NFIB: variants seen among roughly 807,000 people sequenced by gnomAD.
NFIB encodes nuclear factor I B, also known as nuclear factor 1 B-type.
Under a neutral mutation model 61.5 loss-of-function variants are expected in NFIB, and 11 were observed. That is an observed-to-expected ratio of 0.18 (90% CI 0.11 to 0.30). NFIB has a LOEUF of 0.30. Ranked by LOEUF, NFIB falls within the 10% of genes least tolerant of loss-of-function variation. NFIB has a pLI of 1.00. For missense variants in NFIB, 471 were observed against 608.9 expected, an observed-to-expected ratio of 0.77 and a Z score of 2.38; for synonymous variants, 260 against 216.5, an observed-to-expected ratio of 1.20 and a Z score of -1.76.
the NFIB span, among the ~76,000 whole-genome samples, chr9:14,435,824 C>T: frequency 6.6e-6 from 1 of 152,214 alleles, no homozygotes; most frequent in Non-Finnish European, 1.5e-5. Flanking sequence ...TCATCGGCCT[C>T]AGAACCAGGC....
chr9:14,384,415 A>C (rs532784764), intron 1 of NFIB, among the ~76,000 whole-genome samples: 36 of 152,364 alleles, frequency 2.4e-4, no homozygotes, highest in African/African-American at 8.7e-4. Context: ...GATACTTGAT[A>C]GCTCAGCCTC....
chr9:14,197,172 C>A (rs540422749), intron 2 of NFIB, among the ~76,000 whole-genome samples: 67 of 152,284 alleles, frequency 4.4e-4, no homozygotes, highest in African/African-American at 1.6e-3. Flanking sequence ...GAAAGGAATG[C>A]AGAGCTTGAC....
rs997431679 is a variant in NFIB at position 14,082,551 on chromosome 9, G to A, written c.*5758C>T. The A allele has an allele frequency of 2.4e-5, 5 of 206,822 alleles. No homozygotes were observed. Among genetic ancestry groups the A allele is most frequent in the Non-Finnish European group, 4.9e-5 (5 of 101,288 alleles). The allele number at this position is 206,822 out of a possible 1,614,324, so 12.8% of individuals were successfully genotyped here. A position where few individuals can be genotyped will look rare whatever the true frequency, so the allele number is the denominator to read the frequency against. On this transcript the variant is annotated 3_prime_UTR_variant, in exon 11 of 11. Coordinates refer to ENST00000380953, the MANE Select transcript of NFIB (RefSeq NM_001190737.2). ...CCCTCACATTCTACAATGTTGTAGAGATTTTTTTTCCCAAGAAAATGTCAT... is the reference window on the plus strand; with the variant it reads ...CCCTCACATTCTACAATGTTGTAGAAATTTTTTTTCCCAAGAAAATGTCAT...
intron 2 of NFIB, among the ~76,000 whole-genome samples, chr9:14,271,549 G>A (rs1238351989): frequency 6.6e-6 from 1 of 151,968 alleles, no homozygotes; most frequent in African/African-American, 2.4e-5. Context: ...ATTAGGACCG[G>A]GAAAAAAATC....
At chr9:14,398,394 C>A in intron 1 of NFIB, 1 of 625,658 alleles carries the variant, frequency 1.6e-6, no homozygotes, top group Admixed American at 3.3e-5. Flanking sequence ...ATTGGAAAAC[C>A]AGCCCTGCAA....
chr9:14,123,329 A>C (rs915585995), intron 7 of NFIB, among the ~76,000 whole-genome samples: 5 of 152,178 alleles, frequency 3.3e-5, no homozygotes, highest in African/African-American at 4.8e-5. Flanking sequence ...ATTATGAAAG[A>C]ATACATACAC....
intron 6 of NFIB, among the ~76,000 whole-genome samples, chr9:14,130,155 C>T (rs1301614863): frequency 1.3e-5 from 2 of 152,184 alleles, no homozygotes; most frequent in Admixed American, 1.3e-4. Context: ...AGGCCTTCCT[C>T]TCCATGGCAC....
intron 1 of NFIB, among the ~76,000 whole-genome samples, chr9:14,393,510 T>G (rs1390348912): frequency 6.6e-6 from 1 of 152,186 alleles, no homozygotes; most frequent in African/African-American, 2.4e-5. Flanking sequence ...CTCTCCTAGT[T>G]TGTTAACTCC....
intron 2 of NFIB, among the ~76,000 whole-genome samples, chr9:14,299,274 A>G (rs750414134): frequency 1.3e-5 from 2 of 152,180 alleles, no homozygotes; most frequent in Non-Finnish European, 2.9e-5. Flanking sequence ...ATGAGTATGA[A>G]AAATCAGGTT....
chr9:14,450,703 G>A, the NFIB span, among the ~76,000 whole-genome samples: 2 of 151,910 alleles, frequency 1.3e-5, no homozygotes, highest in African/African-American at 4.8e-5. Context: ...TGATTCCTGG[G>A]AACTACTAAA....
intron 2 of NFIB, among the ~76,000 whole-genome samples, chr9:14,293,160 A>G (rs2059210298): frequency 6.6e-6 from 1 of 152,224 alleles, no homozygotes; most frequent in Non-Finnish European, 1.5e-5. Context: ...TTGCTGTAAT[A>G]AAACTGTCAC....
At chr9:14,242,419 A>C (rs1299272821) in intron 2 of NFIB, among the ~76,000 whole-genome samples, 3 of 152,246 alleles carry the variant, frequency 2.0e-5, no homozygotes, top group African/African-American at 7.2e-5. Context: ...TTGGGGATTT[A>C]GATCACCCAT....
the NFIB span, among the ~76,000 whole-genome samples, chr9:14,452,376 AAG>A: frequency 1.4e-5 from 2 of 144,624 alleles, no homozygotes; most frequent in Non-Finnish European, 3.0e-5. Flanking sequence ...GTTGGAGATA[AAG>A]AAGGATGGAA....
the NFIB span, among the ~76,000 whole-genome samples, chr9:14,527,237 A>C: frequency 6.6e-6 from 1 of 152,218 alleles, no homozygotes; most frequent in South Asian, 2.1e-4. Flanking sequence ...TTGATATATT[A>C]AAAACGAATT....
intron 6 of NFIB, among the ~76,000 whole-genome samples, chr9:14,143,847 A>G (rs971314501): frequency 1.3e-5 from 2 of 152,188 alleles, no homozygotes; most frequent in African/African-American, 2.4e-5. Context: ...TTTTCTAAGA[A>G]CAAAAGGACT....
rs376688487 is a variant in NFIB at position 14,313,447 on chromosome 9, G to A, written c.30+35C>T. 1 of 1,613,662 alleles carries A rather than the reference G, an allele frequency of 6.2e-7. No homozygotes were observed. The highest frequency in any genetic ancestry group is 8.5e-7 in the Non-Finnish European group (1 of 1,179,746). On this transcript the variant is annotated intron_variant, in intron 1 of 10. Transcript: ENST00000380953. The surrounding 1 kb of genome is among the most constrained non-coding windows in gnomAD (Gnocchi z 4.5). ...AACAAAACAAAGGCATTTCGGGCCA[G>A]AGAGAAAGCTCGAGAAAGCGACCGA...
intron 2 of NFIB, among the ~76,000 whole-genome samples, chr9:14,272,798 G>A (rs1352046805): frequency 6.6e-6 from 1 of 151,166 alleles, no homozygotes; most frequent in African/African-American, 2.4e-5. Context: ...AATCCTTTGA[G>A]GTTTAATATA....
At chr9:14,263,949 A>T (rs1438073468) in intron 2 of NFIB, among the ~76,000 whole-genome samples, 1 of 152,248 alleles carries the variant, frequency 6.6e-6, no homozygotes, top group Non-Finnish European at 1.5e-5. Flanking sequence ...CAACCCTGAA[A>T]AAGTTCCCAG....
At chr9:14,362,896 C>CAA (rs1337756291) in intron 1 of NFIB, 1 of 151,692 alleles carries the variant, frequency 6.6e-6, no homozygotes, top group East Asian at 1.9e-4. Context: ...GCTCTGTTTC[C>CAA]AAAACACAAA....
Sources: allele counts gnomAD v4.1 joint callset (sites outside exome capture counted in the v4.1 genomes callset), GRCh38; gene constraint gnomAD v4.1.1; non-coding constraint Gnocchi (gnomAD v3.1); transcripts MANE v1.5; gene names NCBI Gene and HGNC (gene_info 2026-07-23, HGNC 2026-07-21).